Variants in BTN3A2 observed in about 807,000 individuals in gnomAD.
BTN3A2 encodes the protein butyrophilin subfamily 3 member A2.
BTN3A2 carries 25 observed loss-of-function variants against 37.6 expected under a neutral mutation model. The observed-to-expected ratio is 0.66, with a 90% confidence interval of 0.48 to 0.93. The LOEUF (loss-of-function observed/expected upper bound fraction) is 0.93, where lower values mean the gene tolerates loss of function less well. Among genes scored for constraint, BTN3A2 ranks in the 40% least tolerant of loss-of-function variants. BTN3A2 has a pLI of 0.00. For missense variants in BTN3A2, 266 were observed against 410.9 expected (o/e 0.65, Z 3.05); for synonymous variants, 122 against 159.4 (o/e 0.77, Z 1.77).
intron 4 of BTN3A2, among the ~76,000 whole-genome samples, chr6:26,369,939 G>C (rs1257927850): frequency 6.6e-6 from 1 of 152,200 alleles, no homozygotes; most frequent in African/African-American, 2.4e-5. Flanking sequence ...ATAGGAGGAA[G>C]AGAAAAGGAA....
intron 6 of BTN3A2, 35 bp from the exon 7 acceptor site, chr6:26,373,237 CTTTT>C (rs750198408): frequency 0.01 from 13,848 of 1,329,356 alleles, no homozygotes; most frequent in Non-Finnish European, 0.011. Flanking sequence ...AACAGTTCAT[CTTTT>C]TTTTTTTTTT....
intron 5 of BTN3A2, chr6:26,372,603 G>A (rs1760222033): frequency 2.7e-6 from 1 of 366,024 alleles, no homozygotes; most frequent in South Asian, 3.3e-5. Flanking sequence ...TTTGAACGAT[G>A]TAAATGTGTT....
chr6:26,367,504 C>G (rs771990402), intron 1 of BTN3A2, among the ~76,000 whole-genome samples: 4 of 152,220 alleles, frequency 2.6e-5, no homozygotes, highest in Non-Finnish European at 5.9e-5. Context: ...TACCTATTGT[C>G]TACCCTCTTT....
Position 26,374,809 on chromosome 6 carries a change from C to T in BTN3A2, c.*34+11C>T. 6.6e-7 allele frequency: 1 copy of T among 1,516,452 alleles called. No individual in the cohort carries two copies. The highest frequency in any genetic ancestry group is 1.1e-5 in the South Asian group (1 of 89,004). The allele number at this position is 1,516,452 out of a possible 1,614,324, so 93.9% of individuals were successfully genotyped here. ...CCCTCTTCAAGCCTGGTGAGTAAATCACTGCATGTTCCCTGGACCAACAAC... is the reference window on the plus strand; with the variant it reads ...CCCTCTTCAAGCCTGGTGAGTAAATTACTGCATGTTCCCTGGACCAACAAC... On this transcript the variant is annotated intron_variant, in intron 10 of 10. Transcript: ENST00000377708.
chr6:26,373,590 A>C, intron 8 of BTN3A2, 177 bp downstream of exon 8: 95 of 244,546 alleles, frequency 3.9e-4, no homozygotes, highest in Non-Finnish European at 4.3e-4. Context: ...TCTCTCTAGA[A>C]AAAAAAAAAA....
chr6:26,372,733 T>C (rs1360970321), intron 5 of BTN3A2, 164 bp from the exon 6 acceptor site: 1 of 773,892 alleles, frequency 1.3e-6, no homozygotes, highest in Non-Finnish European at 2.0e-6. Flanking sequence ...TTTACCAAAG[T>C]CTTATCTATA....
At position 26,377,100 on chromosome 6, in the gene BTN3A2, A is replaced by G. The variant is rs1335501908; in HGVS notation, c.*1338A>G. Reference sequence around the variant, plus strand: ...TGCCCTGACCGTTTGCCCAATACCAAAAGTAGAGAGTTCCCCCGATCCCGA... The same window carrying G: ...TGCCCTGACCGTTTGCCCAATACCAGAAGTAGAGAGTTCCCCCGATCCCGA... On this transcript the variant is annotated 3_prime_UTR_variant, in exon 11 of 11. Coordinates refer to ENST00000377708, the MANE Select transcript of BTN3A2 (RefSeq NM_007047.5). The G allele has an allele frequency of 2.3e-6, 3 of 1,329,068 alleles. No homozygotes were observed. In the African/African-American group the frequency reaches 4.3e-5, roughly 19 times the overall value. The allele number at this position is 1,329,068 out of a possible 1,614,324, so 82.3% of individuals were successfully genotyped here. A position where few individuals can be genotyped will look rare whatever the true frequency, so the allele number is the denominator to read the frequency against.
At chr6:26,375,398 C>A (rs779502824) in intron 10 of BTN3A2, 47 of 425,088 alleles carry the variant, frequency 1.1e-4, no homozygotes, top group Admixed American at 8.1e-4. Flanking sequence ...AACGAGGGAG[C>A]TTCCTGAGAA....
rs575104121 is a variant in BTN3A2, at chr6:26,365,202, CTT to C, written c.-216_-215del. The C allele has an allele frequency of 1.8e-6, 2 of 1,140,880 alleles. No individual in the cohort carries two copies. Among genetic ancestry groups the C allele is most frequent in the Non-Finnish European group, 2.5e-6 (2 of 807,604 alleles). 70.7% of individuals were successfully genotyped at this position (1,140,880 alleles called of 1,614,324 possible). A position where few individuals can be genotyped will look rare whatever the true frequency, so the allele number is the denominator to read the frequency against. On this transcript the variant is annotated 5_prime_UTR_variant, in exon 1 of 11. Coordinates refer to ENST00000377708, the MANE Select transcript of BTN3A2 (RefSeq NM_007047.5). ...AAACTAATTCTTCCAAAGAGCGACTCTTACTGTTTCTCATGGTGAGAAGACAA... is the reference window on the plus strand; with the variant it reads ...AAACTAATTCTTCCAAAGAGCGACTCACTGTTTCTCATGGTGAGAAGACAA...
intron 10 of BTN3A2, 191 bp from the exon 11 acceptor site, chr6:26,375,606 A>C: frequency 6.7e-7 from 1 of 1,493,708 alleles, no homozygotes; most frequent in Non-Finnish European, 8.9e-7. Context: ...GGTCCAGAAG[A>C]GGGTGGAGAA....
At chr6:26,366,848 T>C (rs1759556432) in intron 1 of BTN3A2, among the ~76,000 whole-genome samples, 1 of 152,234 alleles carries the variant, frequency 6.6e-6, no homozygotes, top group African/African-American at 2.4e-5. Context: ...GAGAAACTGT[T>C]GAGGAGTTAG....
Position 26,377,005 on chromosome 6 carries a change from A to G in BTN3A2, c.*1243A>G, listed in dbSNP as rs1436365480. On this transcript the variant is annotated 3_prime_UTR_variant, in exon 11 of 11. Transcript: ENST00000377708. ...AATGCCACGGATGGATCTCATATCTACACATTTCTGCACGCCTCTTCCTCT... is the reference window on the plus strand; with the variant it reads ...AATGCCACGGATGGATCTCATATCTGCACATTTCTGCACGCCTCTTCCTCT... 2.7e-6 allele frequency: 4 copies of G among 1,460,248 alleles called. No individual in the cohort carries two copies. The highest frequency in any genetic ancestry group is 4.5e-5 in the East Asian group (2 of 44,012). 90.5% of individuals were successfully genotyped at this position (1,460,248 alleles called of 1,614,324 possible). A position where few individuals can be genotyped will look rare whatever the true frequency, so the allele number is the denominator to read the frequency against.
chr6:26,365,460 A>T, intron 1 of BTN3A2, 108 bp downstream of exon 1: 2 of 971,360 alleles, frequency 2.1e-6, no homozygotes, highest in Non-Finnish European at 3.0e-6. Context: ...CTCCCAGAGA[A>T]AGGGGTGCAG....
Position 26,365,222 on chromosome 6 carries a change from G to C in BTN3A2, c.-197G>C. 1 of 1,310,726 alleles carries C rather than the reference G, an allele frequency of 7.6e-7. No individual in the cohort carries two copies. 81.2% of individuals were successfully genotyped at this position (1,310,726 alleles called of 1,614,324 possible). A position where few individuals can be genotyped will look rare whatever the true frequency, so the allele number is the denominator to read the frequency against. On this transcript the variant is annotated 5_prime_UTR_variant, in exon 1 of 11. Transcript: ENST00000377708. ...CGACTCTTACTGTTTCTCATGGTGA[G>C]AAGACAATATTTGCTTTCTCTTTTT...
At chr6:26,374,296 T>C (rs201020565) in intron 8 of BTN3A2, 31 bp from the exon 9 acceptor site, 165 of 1,586,680 alleles carry the variant, frequency 1.0e-4, no homozygotes, top group Admixed American at 4.4e-4. Context: ...GGCAGAGTTC[T>C]GGTGACACCT....
chr6:26,374,618 C>A, intron 9 of BTN3A2, 153 bp from the exon 10 acceptor site: 1 of 956,824 alleles, frequency 1.0e-6, no homozygotes, highest in South Asian at 1.7e-5. Context: ...TGAGAAGGTG[C>A]CACCTCTGAT....
At position 26,376,790 on chromosome 6, in the gene BTN3A2, T is replaced by C. The variant is rs536004008; in HGVS notation, c.*1028T>C. The C allele has an allele frequency of 1.4e-5, 22 of 1,612,618 alleles. No homozygotes were observed. The East Asian group carries it at 4.2e-4, about 31-fold the overall frequency. On this transcript the variant is annotated 3_prime_UTR_variant, in exon 11 of 11. Transcript: ENST00000377708. The stretch of plus-strand genomic sequence containing the variant: ...GAAAAGAGTGGCATATTGGGGTATG[T>C]AGTAAGAACGTGGAGAGGAAAAAAG...
At chr6:26,367,352 C>T (rs753464483) in intron 1 of BTN3A2, among the ~76,000 whole-genome samples, 5 of 152,174 alleles carry the variant, frequency 3.3e-5, no homozygotes, top group Non-Finnish European at 7.3e-5. Flanking sequence ...GCGAGTACTT[C>T]GCTGAAGTAA....
Position 26,368,558 on chromosome 6 carries a change from C to T in BTN3A2, c.86-7C>T. ...CCTCTGATGGAGCTTCCCCCTTGTGCTGACAGCTCAGTTTTCTGTGCTTGG... is the reference window on the plus strand; with the variant it reads ...CCTCTGATGGAGCTTCCCCCTTGTGTTGACAGCTCAGTTTTCTGTGCTTGG... On this transcript the variant is annotated splice_region_variant and splice_polypyrimidine_tract_variant and intron_variant, in intron 3 of 10. Transcript: ENST00000377708. 3 of 1,613,958 alleles carry T rather than the reference C, an allele frequency of 1.9e-6. No homozygotes were observed. The highest frequency in any genetic ancestry group is 1.1e-5 in the South Asian group (1 of 91,080).
Sources: gnomAD v4.1 joint callset for allele counts (sites outside exome capture counted in the v4.1 genomes callset) on GRCh38, gnomAD v4.1.1 for gene constraint, MANE v1.5 for transcripts, NCBI Gene and HGNC (gene_info 2026-07-23, HGNC 2026-07-21) for gene names.